The following M1AP variants were observed in gnomAD, a reference collection of about 807,000 sequenced individuals.
M1AP encodes the protein meiosis 1 associated protein.
In M1AP, 39 loss-of-function variants were observed where a neutral mutation model predicts 51.2. That is an observed-to-expected ratio of 0.76 (90% confidence interval 0.59 to 1.00). The LOEUF is 1.00. Ranked by LOEUF, M1AP falls within the 50% of genes least tolerant of loss-of-function variation. The probability of loss-of-function intolerance (pLI) is 0.00; values close to 1 mark genes in which losing one functional copy is unlikely to be tolerated. For synonymous variants in M1AP, 251 were observed against 249.2 expected (o/e 1.01, Z -0.07); for missense variants, 545 against 641.2 (o/e 0.85, Z 1.62).
intron 4 of M1AP, among the ~76,000 whole-genome samples, chr2:74,605,894 C>A (rs1680958328): frequency 6.7e-6 from 1 of 150,324 alleles, no homozygotes; most frequent in Non-Finnish European, 1.5e-5. Context: ...GAGCGAGACT[C>A]CATCTCAAAA....
At chr2:74,634,630 G>T (rs1558696957) in intron 2 of M1AP, among the ~76,000 whole-genome samples, 1 of 152,086 alleles carries the variant, frequency 6.6e-6, no homozygotes, top group East Asian at 1.9e-4. Flanking sequence ...TCTTTGTCTT[G>T]TCTCAATCTT....
chr2:74,633,763 C>A (rs540005293), intron 2 of M1AP, among the ~76,000 whole-genome samples: 2 of 152,280 alleles, frequency 1.3e-5, no homozygotes, highest in South Asian at 4.1e-4. Context: ...TCATGAATAA[C>A]TTTTTCTTTA....
At chr2:74,643,949 A>G (rs917268985) in intron 1 of M1AP, among the ~76,000 whole-genome samples, 1 of 152,230 alleles carries the variant, frequency 6.6e-6, no homozygotes, top group South Asian at 2.1e-4. Flanking sequence ...ACTTTCTACT[A>G]TTAAACTACA....
At chr2:74,560,121 A>G in intron 9 of M1AP, 30 bp downstream of exon 9, 1 of 1,609,608 alleles carries the variant, frequency 6.2e-7, no homozygotes, top group Non-Finnish European at 8.5e-7. Context: ...AGGGGAAGTA[A>G]GGAAGAGGAG....
intron 1 of M1AP, among the ~76,000 whole-genome samples, chr2:74,646,904 T>C (rs1320274925): frequency 6.6e-6 from 1 of 152,240 alleles, no homozygotes; most frequent in African/African-American, 2.4e-5. Flanking sequence ...ATTGGAAGAC[T>C]GTATTTTAAA....
At chr2:74,635,743 A>T (rs1682954744) in intron 2 of M1AP, among the ~76,000 whole-genome samples, 1 of 152,062 alleles carries the variant, frequency 6.6e-6, no homozygotes, top group African/African-American at 2.4e-5. Context: ...CCAATGGATT[A>T]TTTAGAAGTG....
chr2:74,602,204 TTG>T (rs1482254828), intron 4 of M1AP, among the ~76,000 whole-genome samples: 2 of 152,190 alleles, frequency 1.3e-5, no homozygotes, highest in African/African-American at 4.8e-5. Context: ...CACAAATCAT[TTG>T]TTTTTTTTTC....
intron 2 of M1AP, 130 bp downstream of exon 2, chr2:74,639,906 T>G (rs1333328415): frequency 6.3e-6 from 5 of 793,102 alleles, no homozygotes; most frequent in Non-Finnish European, 8.1e-6. Context: ...ATGGTGTTAC[T>G]CGGGGGCTAC....
chr2:74,611,293 A>T (rs1156694302), intron 3 of M1AP, among the ~76,000 whole-genome samples: 2 of 152,178 alleles, frequency 1.3e-5, no homozygotes, highest in Non-Finnish European at 2.9e-5. Context: ...TCAGCAGTGA[A>T]TCTATGAGGT....
At chr2:74,560,409 T>C in intron 8 of M1AP, 118 bp from the exon 9 acceptor site, 2 of 1,055,578 alleles carry the variant, frequency 1.9e-6, no homozygotes, top group Non-Finnish European at 1.3e-6. Context: ...AGGGCTGCCA[T>C]GAAGGCTGTG....
intron 4 of M1AP, among the ~76,000 whole-genome samples, chr2:74,604,045 T>C (rs1680826803): frequency 6.8e-6 from 1 of 147,068 alleles, no homozygotes; most frequent in Non-Finnish European, 1.5e-5. Context: ...TTGAACTCCA[T>C]AATTTGGAGA....
intron 3 of M1AP, among the ~76,000 whole-genome samples, chr2:74,607,822 C>T (rs187242665): frequency 5.9e-5 from 9 of 152,154 alleles, no homozygotes; most frequent in East Asian, 5.8e-4. Flanking sequence ...AAAGACTGGA[C>T]GGTAATCATT....
chr2:74,608,149 G>A (rs1335573048), intron 3 of M1AP, among the ~76,000 whole-genome samples: 1 of 152,044 alleles, frequency 6.6e-6, no homozygotes, highest in Admixed American at 6.6e-5. Context: ...TATGAGTCTA[G>A]ACAAATGCAT....
intron 4 of M1AP, among the ~76,000 whole-genome samples, chr2:74,597,576 T>G (rs565993457): frequency 6.6e-6 from 1 of 152,150 alleles, no homozygotes; most frequent in African/African-American, 2.4e-5. Context: ...AGAACACATA[T>G]GGAGAAAATA....
At chr2:74,595,782 A>G (rs1257982582) in intron 4 of M1AP, among the ~76,000 whole-genome samples, 1 of 152,270 alleles carries the variant, frequency 6.6e-6, no homozygotes, top group Non-Finnish European at 1.5e-5. Flanking sequence ...GGTACTATAT[A>G]TATTAATTCT....
intron 7 of M1AP, among the ~76,000 whole-genome samples, chr2:74,565,797 C>T: frequency 6.6e-6 from 1 of 150,636 alleles, no homozygotes; most frequent in Non-Finnish European, 1.5e-5. Context: ...CCACTGCCCT[C>T]CAGCCTGGGC....
chr2:74,592,471 T>C (rs1680106661), intron 4 of M1AP, among the ~76,000 whole-genome samples: 1 of 152,186 alleles, frequency 6.6e-6, no homozygotes, highest in Non-Finnish European at 1.5e-5. Flanking sequence ...ATGACTTTTT[T>C]CCATTTTTCT....
At chr2:74,560,338 G>T (rs773310872) in intron 8 of M1AP, 47 bp from the exon 9 acceptor site, 10 of 1,533,904 alleles carry the variant, frequency 6.5e-6, no homozygotes, top group Non-Finnish European at 7.9e-6. Flanking sequence ...TAAGATCACA[G>T]AACACAAGAT....
intron 4 of M1AP, among the ~76,000 whole-genome samples, chr2:74,589,256 G>A (rs529731943): frequency 6.6e-6 from 1 of 152,186 alleles, no homozygotes; most frequent in Non-Finnish European, 1.5e-5. Context: ...TTTGTGTTGG[G>A]GGATTAGCCA....
Sources: gnomAD v4.1 joint callset for allele counts (sites outside exome capture counted in the v4.1 genomes callset) on GRCh38, gnomAD v4.1.1 for gene constraint, MANE v1.5 for transcripts, NCBI Gene and HGNC (gene_info 2026-07-23, HGNC 2026-07-21) for gene names.